The following GET1 variants were observed in gnomAD, a reference collection of about 807,000 sequenced individuals.
GET1 encodes congenital heart disease 5 protein.
GET1 carries 20 observed loss-of-function variants against 22.6 expected under a neutral mutation model. The ratio of observed to expected loss-of-function variants is 0.89; its 90% CI spans 0.62 to 1.29. The LOEUF (loss-of-function observed/expected upper bound fraction) is 1.29. Ranked by LOEUF, GET1 falls within the 50% of genes most tolerant of loss-of-function variation. The pLI is 0.00. For synonymous variants in GET1, 92 were observed against 83.8 expected (o/e 1.10, Z -0.53); for missense variants, 209 against 219.9 (o/e 0.95, Z 0.31).
At chr21:39,392,075 G>C (rs1374858115) in intron 3 of GET1, 1 of 493,422 alleles carries the variant, frequency 2.0e-6, no homozygotes, top group Non-Finnish European at 3.6e-6. Context: ...TGTGAAGTAA[G>C]TTCTCGGAGA....
chr21:39,387,778 C>G (rs1304300206), intron 1 of GET1: 17 of 985,650 alleles, frequency 1.7e-5, no homozygotes, highest in Non-Finnish European at 1.9e-5. Flanking sequence ...CGCAGACACC[C>G]TCAGGCGACT....
At chr21:39,399,730 C>T (rs191355275), downstream of GET1, among the ~76,000 whole-genome samples, 18 of 152,178 alleles carry the variant, frequency 1.2e-4, no homozygotes, top group Admixed American at 5.9e-4. Context: ...TGAGCCACCA[C>T]GCCCAGTGGG....
In GET1 at chr21:39,397,152, A is replaced by T; in HGVS notation, c.*213A>T. 1.7e-6 allele frequency: 1 copy of T among 587,746 alleles called. No homozygotes were observed. Among genetic ancestry groups the T allele is most frequent in the Non-Finnish European group, 3.0e-6 (1 of 332,988 alleles). The allele number at this position is 587,746 out of a possible 1,614,324, so 36.4% of individuals were successfully genotyped here. A position where few individuals can be genotyped will look rare whatever the true frequency, so the allele number is the denominator to read the frequency against. On this transcript the variant is annotated 3_prime_UTR_variant, in exon 5 of 5. Coordinates refer to ENST00000649170, the MANE Select transcript of GET1 (RefSeq NM_004627.6). ...TTGAGCCAAGAAAGTCCAGTTTATG[A>T]CACGTATGTACTAGTGAACACCGTC... is the stretch of plus-strand genomic sequence containing the variant.
chr21:39,383,014 A>G (rs1337659871), intron 1 of GET1, among the ~76,000 whole-genome samples: 2 of 151,842 alleles, frequency 1.3e-5, no homozygotes, highest in African/African-American at 2.4e-5. Flanking sequence ...GCAGTAGCGC[A>G]GTCTCGGCTC....
downstream of GET1, among the ~76,000 whole-genome samples, chr21:39,399,979 G>A (rs2038799342): frequency 6.6e-6 from 1 of 150,952 alleles, no homozygotes; most frequent in Non-Finnish European, 1.5e-5. Context: ...AAACTCTTGG[G>A]CTCAAGTGCT....
chr21:39,406,047 A>G lies in GET1; in HGVS notation c.*63A>G, dbSNP rs763644598. 4 of 1,614,102 alleles carry G rather than the reference A, an allele frequency of 2.5e-6. No homozygotes were observed. The African/African-American group carries it at 5.3e-5, about 22-fold the overall frequency. ...GCTCCTCTGAGCCTTTTGCAACACC[A>G]GGACTTGATTGGTCAGTTTTCAAGA... On this transcript the variant is annotated 3_prime_UTR_variant, in exon 5 of 5. Coordinates refer to the GET1 transcript ENST00000415847.
downstream of GET1, chr21:39,409,918 A>G (rs1453708817): frequency 2.1e-6 from 2 of 958,836 alleles, no homozygotes; most frequent in African/African-American, 3.3e-5. The surrounding 1 kb of genome is among the most constrained non-coding windows in gnomAD (Gnocchi z 4.2). Flanking sequence ...TTATATACAC[A>G]TATAGTAATT....
In GET1 at chr21:39,414,750, G is replaced by C. The variant is rs796430290; in HGVS notation, c.*23+3813G>C. Among the ~76,000 whole-genome samples, 369 of 147,294 alleles carry C rather than the reference G, an allele frequency of 2.5e-3. 2 individuals are homozygous for C. Among genetic ancestry groups the C allele is most frequent in the African/African-American group, 6.2e-3 (236 of 38,192 alleles). On this transcript the variant is annotated intron_variant, in intron 1 of 1. Transcript: ENST00000478273. ...TCTCTCTCTCTCTCTCTCTGTGTGT[G>C]TGTGTGTGTGTGTGTGTGTGTGTGT...
intron 1 of GET1, chr21:39,387,872 A>T: frequency 1.6e-4 from 134 of 829,922 alleles, no homozygotes; most frequent in Middle Eastern, 6.3e-4. Context: ...TGGAAGGGGG[A>T]GGGGGGGGGA....
downstream of GET1, among the ~76,000 whole-genome samples, chr21:39,402,206 C>T (rs1254651029): frequency 1.3e-5 from 2 of 152,158 alleles, no homozygotes; most frequent in Non-Finnish European, 2.9e-5. Context: ...TGGGTTCAAG[C>T]GATTCTCCTG....
chr21:39,411,094 C>G (rs550538973), downstream of GET1: 289 of 346,096 alleles, frequency 8.4e-4, 1 homozygote, highest in Non-Finnish European at 1.5e-3. Flanking sequence ...AAACACTATG[C>G]TGAACAAAAG....
intron 1 of GET1, chr21:39,420,622 C>A: frequency 6.2e-6 from 7 of 1,122,526 alleles, no homozygotes; most frequent in East Asian, 3.1e-5. Flanking sequence ...AATAAAAAAT[C>A]ACTTAAAGAT....
rs1342029467 is a variant in GET1, at chr21:39,397,010, C to T, written c.*71C>T. The T allele has an allele frequency of 6.5e-7, 1 of 1,537,332 alleles. No homozygotes were observed. The highest frequency in any genetic ancestry group is 2.3e-5 in the East Asian group (1 of 44,242). On this transcript the variant is annotated 3_prime_UTR_variant, in exon 5 of 5. Transcript: ENST00000649170. ...TTCCTAGCTTAAAATCTGATTTACA[C>T]TGTTTTGTTTTTTAAGAAACAAAAG... is the stretch of plus-strand genomic sequence containing the variant.
chr21:39,412,526 G>A (rs2040271077), intron 1 of GET1, among the ~76,000 whole-genome samples: 1 of 152,106 alleles, frequency 6.6e-6, no homozygotes, highest in Admixed American at 6.6e-5. Context: ...AACAACCATG[G>A]TTAAGAGAGG....
intron 4 of GET1, among the ~76,000 whole-genome samples, chr21:39,405,610 T>A (rs1428602354): frequency 6.6e-6 from 1 of 152,214 alleles, no homozygotes; most frequent in East Asian, 1.9e-4. Flanking sequence ...TCCCACAGAA[T>A]ACTAAAACCA....
chr21:39,384,313 G>C (rs1434585994), intron 1 of GET1, among the ~76,000 whole-genome samples: 1 of 151,926 alleles, frequency 6.6e-6, no homozygotes, highest in African/African-American at 2.4e-5. Context: ...CTGGAGTGCA[G>C]TGGCGCTATC....
chr21:39,384,250 A>G (rs567388866), intron 1 of GET1, among the ~76,000 whole-genome samples: 39 of 150,598 alleles, frequency 2.6e-4, no homozygotes, highest in African/African-American at 3.2e-4. Flanking sequence ...TGTTGTTGTT[A>G]TTATTATTAT....
chr21:39,380,923 T>TG, intron 1 of GET1: 1 of 81,466 alleles, frequency 1.2e-5, no homozygotes, highest in Non-Finnish European at 2.3e-5. Flanking sequence ...ATTCTTGGGG[T>TG]GGGTAGGGTG....
At chr21:39,422,898 G>C (rs774851605) in intron 1 of GET1, 1 of 1,280,898 alleles carries the variant, frequency 7.8e-7, no homozygotes, top group Non-Finnish European at 1.1e-6. Flanking sequence ...TTACAGAGGG[G>C]GCGCATCCAT....
Sources: gnomAD v4.1 joint callset for allele counts (sites outside exome capture counted in the v4.1 genomes callset) on GRCh38, gnomAD v4.1.1 for gene constraint, Gnocchi (gnomAD v3.1) non-coding constraint, MANE v1.5 for transcripts, NCBI Gene and HGNC (gene_info 2026-07-23, HGNC 2026-07-21) for gene names.